The following CD226 variants were observed in gnomAD, a reference collection of about 807,000 sequenced individuals.
The protein encoded by CD226 is CD226 molecule, also known as CD226 antigen.
CD226 carries 24 observed loss-of-function variants against 34.9 expected under a neutral mutation model. That is an observed-to-expected ratio of 0.69 (90% confidence interval 0.50 to 0.97). The LOEUF (loss-of-function observed/expected upper bound fraction) is 0.97, where lower values mean the gene tolerates loss of function less well. Ranked by LOEUF, CD226 falls within the 50% of genes least tolerant of loss-of-function variation. CD226 has a pLI of 0.00. For missense variants in CD226, 397 were observed against 412.7 expected (o/e 0.96, Z 0.33); for synonymous variants, 148 against 147.4 (o/e 1.00, Z -0.03).
At chr18:69,943,089 A>G (rs2145359712) in intron 2 of CD226, among the ~76,000 whole-genome samples, 1 of 152,266 alleles carries the variant, frequency 6.6e-6, no homozygotes, top group African/African-American at 2.4e-5. Context: ...AAGTGAGTCT[A>G]CCACCCTGAA....
At chr18:69,871,854 G>A (rs920478000) in intron 4 of CD226, among the ~76,000 whole-genome samples, 3 of 152,184 alleles carry the variant, frequency 2.0e-5, no homozygotes, top group Non-Finnish European at 4.4e-5. Flanking sequence ...GATAACCAAA[G>A]ATATTGAACA....
rs775886320 is a variant in CD226 at position 69,872,504 on chromosome 18, GCCTC to G, written c.830+636_830+639del. Among the ~76,000 whole-genome samples, 44 of 152,106 alleles carry G rather than the reference GCCTC, an allele frequency of 2.9e-4. No individual in the cohort carries two copies. The East Asian group carries it at 7.5e-3, about 26-fold the overall frequency. On this transcript the variant is annotated intron_variant, in intron 4 of 5. Transcript: ENST00000582621. ...GGACTCAAGCAATCCTCCAGCCTCAGCCTCCTGAGTAGCTGGAACTTCAGGCACA... is the reference window on the plus strand; with the variant it reads ...GGACTCAAGCAATCCTCCAGCCTCAGCTGAGTAGCTGGAACTTCAGGCACA...
chr18:69,934,414 GC>G (rs2055627491), intron 2 of CD226, among the ~76,000 whole-genome samples: 2 of 152,072 alleles, frequency 1.3e-5, no homozygotes, highest in Admixed American at 1.3e-4. Context: ...GTTCTTAAGA[GC>G]CTGTCTGCTA....
At chr18:69,940,500 T>C (rs1352609777) in intron 2 of CD226, among the ~76,000 whole-genome samples, 1 of 152,292 alleles carries the variant, frequency 6.6e-6, no homozygotes, top group Non-Finnish European at 1.5e-5. Flanking sequence ...CTGACAGTGA[T>C]ATAAACAATG....
chr18:69,905,720 A>G (rs1278707430), intron 2 of CD226, among the ~76,000 whole-genome samples: 23 of 152,308 alleles, frequency 1.5e-4, no homozygotes, highest in Non-Finnish European at 7.4e-5. Flanking sequence ...GAGACACACA[A>G]GCAGATAATT....
At chr18:69,940,483 C>T (rs1332600009) in intron 2 of CD226, among the ~76,000 whole-genome samples, 1 of 152,258 alleles carries the variant, frequency 6.6e-6, no homozygotes, top group Non-Finnish European at 1.5e-5. Context: ...TGACATTGAC[C>T]AAAATGCTGA....
intron 2 of CD226, among the ~76,000 whole-genome samples, chr18:69,908,399 T>A (rs1483459719): frequency 6.6e-6 from 1 of 152,236 alleles, no homozygotes; most frequent in Non-Finnish European, 1.5e-5. Context: ...ACATATTGGA[T>A]GATTAATAAA....
chr18:69,880,368 G>T (rs1322877676), intron 3 of CD226, among the ~76,000 whole-genome samples: 1 of 147,228 alleles, frequency 6.8e-6, no homozygotes, highest in Non-Finnish European at 1.5e-5. Flanking sequence ...AAGGAAGGAA[G>T]GAAGGAAGGA....
In CD226 at chr18:69,864,174, G is replaced by A; in HGVS notation, c.*140C>T. The A allele has an allele frequency of 1.5e-6, 1 of 678,738 alleles. No individual in the cohort carries two copies. The highest frequency in any genetic ancestry group is 2.5e-6 in the Non-Finnish European group (1 of 407,280). 42.0% of individuals were successfully genotyped at this position (678,738 alleles called of 1,614,324 possible). On this transcript the variant is annotated 3_prime_UTR_variant, in exon 6 of 6. Transcript: ENST00000582621. The stretch of plus-strand genomic sequence containing the variant: ...TCTATGAAAAATGATTTTAGGTAAT[G>A]AAGTATTTTTCCTATCAAAGTAACT...
In CD226 at chr18:69,920,849, C is replaced by T. The variant is rs180825859; in HGVS notation, c.383-24804G>A. 2.4e-3 allele frequency among the ~76,000 whole-genome samples: 364 copies of T among 152,234 alleles called. 2 individuals are homozygous for T. Among genetic ancestry groups the T allele is most frequent in the Non-Finnish European group, 3.8e-3 (260 of 68,016 alleles). Reference sequence around the variant, plus strand: ...TTAAAAGAACAAAAATAAAAACTTACGTACCCAAATAGTAGATGAATAGCA... The same window carrying T: ...TTAAAAGAACAAAAATAAAAACTTATGTACCCAAATAGTAGATGAATAGCA... On this transcript the variant is annotated intron_variant, in intron 2 of 5. Transcript: ENST00000582621.
Position 69,860,572 on chromosome 18 carries a change from T to A in CD226, c.*3742A>T, listed in dbSNP as rs1430445757. 6.6e-6 allele frequency: 1 copy of A among 152,178 alleles called. No individual in the cohort carries two copies. The highest frequency in any genetic ancestry group is 1.5e-5 in the Non-Finnish European group (1 of 68,024). The allele number at this position is 152,178 out of a possible 1,614,324, so 9.4% of individuals were successfully genotyped here. A position where few individuals can be genotyped will look rare whatever the true frequency, so the allele number is the denominator to read the frequency against. On this transcript the variant is annotated 3_prime_UTR_variant, in exon 6 of 6. Transcript: ENST00000582621. ...ATTCTAGAAGCTATTTTTCTACCTA[T>A]TGAATCACTAGAAATAGAGAAGCTT... is the stretch of plus-strand genomic sequence containing the variant.
chr18:69,878,633 C>T (rs1984023778), intron 3 of CD226, among the ~76,000 whole-genome samples: 1 of 152,168 alleles, frequency 6.6e-6, no homozygotes, highest in Non-Finnish European at 1.5e-5. Flanking sequence ...GACTCTCTAA[C>T]ATCAAGCGTT....
chr18:69,958,193 A>AT (rs1336028414), upstream of CD226, among the ~76,000 whole-genome samples: 1 of 152,058 alleles, frequency 6.6e-6, no homozygotes, highest in African/African-American at 2.4e-5. Flanking sequence ...CACTCGCTGC[A>AT]TTTTTTACTA....
chr18:69,866,789 TA>T (rs1420299516), intron 5 of CD226, among the ~76,000 whole-genome samples: 3 of 152,242 alleles, frequency 2.0e-5, no homozygotes, highest in Admixed American at 6.5e-5. Flanking sequence ...GGTGGGCCTT[TA>T]AGTCCAAGAT....
chr18:69,909,957 T>C (rs956510457), intron 2 of CD226, among the ~76,000 whole-genome samples: 1 of 152,216 alleles, frequency 6.6e-6, no homozygotes, highest in African/African-American at 2.4e-5. Flanking sequence ...GTATTGGAAA[T>C]GCTTATGACA....
At position 69,872,057 on chromosome 18, in the gene CD226, G is replaced by GGGGT. The variant is rs1555677203; in HGVS notation, c.830+1086_830+1087insACCC. Reference sequence around the variant, plus strand: ...GACACTGGAAATCCTATTAACAAGGGGTGTGTGTGTGTGTGTGTGTGTGTG... The same window carrying GGGGT: ...GACACTGGAAATCCTATTAACAAGGGGGGTGTGTGTGTGTGTGTGTGTGTGTGTG... On this transcript the variant is annotated intron_variant, in intron 4 of 5. Coordinates refer to ENST00000582621, the MANE Select transcript of CD226 (RefSeq NM_001303618.2). Among the ~76,000 whole-genome samples, 27 of 143,534 alleles carry GGGGT rather than the reference G, an allele frequency of 1.9e-4. 2 individuals are homozygous for GGGGT. In the South Asian group the frequency reaches 4.7e-3, roughly 25 times the overall value. 94.2% of individuals were successfully genotyped at this position (143,534 alleles called of 152,430 possible).
intron 2 of CD226, among the ~76,000 whole-genome samples, chr18:69,900,499 G>C (rs186237809): frequency 1.3e-5 from 2 of 152,032 alleles, no homozygotes; most frequent in Non-Finnish European, 2.9e-5. Flanking sequence ...TTGCGAGGCC[G>C]AGGCGGGCGG....
rs144375493 is a variant in CD226, at chr18:69,914,795, T to A, written c.383-18750A>T. Among the ~76,000 whole-genome samples the A allele has an allele frequency of 7.9e-5, 12 of 152,262 alleles. No homozygotes were observed. The East Asian group carries it at 2.3e-3, about 29-fold the overall frequency. ...ATCTCAAGGAAATTGCAAAGGAAAGTCAAAGGAATTAAAATCAATAATGCA... is the reference window on the plus strand; with the variant it reads ...ATCTCAAGGAAATTGCAAAGGAAAGACAAAGGAATTAAAATCAATAATGCA... On this transcript the variant is annotated intron_variant, in intron 2 of 5. Transcript: ENST00000582621.
Position 69,861,098 on chromosome 18 carries a change from A to G in CD226, c.*3216T>C, listed in dbSNP as rs908463510. 9 of 152,212 alleles carry G rather than the reference A, an allele frequency of 5.9e-5. No homozygotes were observed. Among genetic ancestry groups the G allele is most frequent in the Non-Finnish European group, 1.3e-4 (9 of 67,952 alleles). 9.4% of individuals were successfully genotyped at this position (152,212 alleles called of 1,614,324 possible). Reference sequence around the variant, plus strand: ...TGTTCACAATCCACGAATGCCTACTAAAAGTATTTTTACTTACTTTGTCTT... The same window carrying G: ...TGTTCACAATCCACGAATGCCTACTGAAAGTATTTTTACTTACTTTGTCTT... On this transcript the variant is annotated 3_prime_UTR_variant, in exon 6 of 6. Transcript: ENST00000582621.
Sources: gnomAD v4.1 joint callset for allele counts (sites outside exome capture counted in the v4.1 genomes callset) on GRCh38, gnomAD v4.1.1 for gene constraint, MANE v1.5 for transcripts, NCBI Gene and HGNC (gene_info 2026-07-23, HGNC 2026-07-21) for gene names.